FBXL13: variants seen among roughly 807,000 people sequenced by gnomAD.
The protein encoded by FBXL13 is F-box and leucine rich repeat protein 13.
In FBXL13, 67 loss-of-function variants were observed where a neutral mutation model predicts 83.6. That is an observed-to-expected ratio of 0.80 (90% CI 0.66 to 0.98). FBXL13 has a LOEUF of 0.98. FBXL13 is among the 50% of genes least tolerant of loss of function. The probability of loss-of-function intolerance (pLI) is 0.00; values close to 1 mark genes in which losing one functional copy is unlikely to be tolerated. For synonymous variants in FBXL13, 272 were observed against 299.5 expected, an observed-to-expected ratio of 0.91 and a Z score of 0.95; for missense variants, 822 against 866.5, an observed-to-expected ratio of 0.95 and a Z score of 0.64.
chr7:103,013,411 CA>C (rs1202850515), intron 6 of FBXL13, among the ~76,000 whole-genome samples: 1 of 152,116 alleles, frequency 6.6e-6, no homozygotes, highest in African/African-American at 2.4e-5. Flanking sequence ...AGCAAACTCC[CA>C]AAAACCAAAA....
At chr7:102,819,538 G>T (rs1798511490) in intron 19 of FBXL13, among the ~76,000 whole-genome samples, 1 of 152,188 alleles carries the variant, frequency 6.6e-6, no homozygotes, top group Non-Finnish European at 1.5e-5. Flanking sequence ...ATTCCATTGA[G>T]TATGAGTGAA....
chr7:102,921,288 T>TA (rs1402106023), intron 10 of FBXL13, among the ~76,000 whole-genome samples: 53 of 152,338 alleles, frequency 3.5e-4, no homozygotes, highest in African/African-American at 1.2e-3. Context: ...AACATCAAAA[T>TA]AAAGAGAAGC....
chr7:102,991,408 T>G (rs1458354033), intron 6 of FBXL13, among the ~76,000 whole-genome samples: 1 of 152,198 alleles, frequency 6.6e-6, no homozygotes, highest in African/African-American at 2.4e-5. Flanking sequence ...AAGCAGTTTT[T>G]GAGTGTCACA....
intron 10 of FBXL13, among the ~76,000 whole-genome samples, chr7:102,916,985 T>C (rs139878514): frequency 1.3e-5 from 2 of 151,974 alleles, no homozygotes; most frequent in Non-Finnish European, 2.9e-5. Context: ...ACTACTAAGA[T>C]GAATGGAAAA....
intron 6 of FBXL13, among the ~76,000 whole-genome samples, chr7:103,004,286 A>T (rs763452786): frequency 1.3e-5 from 2 of 152,194 alleles, no homozygotes; most frequent in Non-Finnish European, 2.9e-5. Flanking sequence ...CTGTAAGTCC[A>T]TCCAGGTTTG....
rs555438247 is a variant in FBXL13, at chr7:102,929,020, T to G, written c.778-2646A>C. Among the ~76,000 whole-genome samples, 3 of 152,344 alleles carry G rather than the reference T, an allele frequency of 2.0e-5. No homozygotes were observed. In the East Asian group the frequency reaches 5.8e-4, roughly 29 times the overall value. ...TTATTTATGTTAAAGTACAAGCCAC[T>G]GAGAAGATGCTTAGTTTACAGTCTA... On this transcript the variant is annotated intron_variant, in intron 9 of 19. Coordinates refer to ENST00000313221, the Ensembl canonical transcript of FBXL13.
At position 102,971,550 on chromosome 7, in the gene FBXL13, T is replaced by C. The variant is rs1450891224; in HGVS notation, c.496-3433A>G. On this transcript the variant is annotated intron_variant, in intron 6 of 19. Transcript: ENST00000313221. The stretch of plus-strand genomic sequence containing the variant: ...CGGAGGTGGCGGTGAGCCAAGATTG[T>C]GCCATTGCACTCCAGCCTAGGCAAT... Among the ~76,000 whole-genome samples the C allele has an allele frequency of 3.5e-5, 5 of 142,134 alleles. No individual in the cohort carries two copies. The East Asian group carries it at 8.2e-4, about 23-fold the overall frequency. The allele number at this position is 142,134 out of a possible 152,430, so 93.2% of individuals were successfully genotyped here. A position where few individuals can be genotyped will look rare whatever the true frequency, so the allele number is the denominator to read the frequency against.
At chr7:102,871,487 G>C (rs1359058581) in intron 16 of FBXL13, among the ~76,000 whole-genome samples, 1 of 151,974 alleles carries the variant, frequency 6.6e-6, no homozygotes. Flanking sequence ...CCGGGCTCAA[G>C]TGATCCTCCC....
chr7:102,930,183 G>A (rs775104844), intron 9 of FBXL13, among the ~76,000 whole-genome samples: 2 of 152,142 alleles, frequency 1.3e-5, no homozygotes, highest in Non-Finnish European at 2.9e-5. Context: ...CTGTAAAAAT[G>A]AGGCTGAGAG....
intron 16 of FBXL13, among the ~76,000 whole-genome samples, chr7:102,868,939 A>T (rs1808141838): frequency 6.6e-6 from 1 of 152,166 alleles, no homozygotes; most frequent in Non-Finnish European, 1.5e-5. Context: ...AAGTGCTGGG[A>T]TTGCAGGCAT....
chr7:102,919,752 C>T (rs556395530), intron 10 of FBXL13, among the ~76,000 whole-genome samples: 1 of 152,260 alleles, frequency 6.6e-6, no homozygotes, highest in South Asian at 2.1e-4. Flanking sequence ...TGTTTATCCT[C>T]CAAGATAATA....
intron 10 of FBXL13, among the ~76,000 whole-genome samples, chr7:102,920,501 C>T (rs1314871359): frequency 6.6e-6 from 1 of 151,970 alleles, no homozygotes; most frequent in African/African-American, 2.4e-5. Flanking sequence ...AGGTGCATGC[C>T]ACCACACCCA....
chr7:103,006,858 GA>G (rs1159019445), intron 6 of FBXL13, among the ~76,000 whole-genome samples: 1 of 145,658 alleles, frequency 6.9e-6, no homozygotes, highest in East Asian at 2.0e-4. Context: ...AGGATACAAA[GA>G]AAAAAATGAA....
intron 6 of FBXL13, among the ~76,000 whole-genome samples, chr7:103,008,849 C>T (rs190375792): frequency 5.9e-5 from 9 of 152,206 alleles, no homozygotes; most frequent in African/African-American, 1.2e-4. Context: ...TGAGCCACCG[C>T]GCCCAGCTTA....
chr7:102,960,829 G>A (rs200801136), intron 8 of FBXL13, among the ~76,000 whole-genome samples: 3 of 151,344 alleles, frequency 2.0e-5, no homozygotes, highest in South Asian at 2.1e-4. Context: ...TTGATGGGAC[G>A]TATTTCAAAA....
chr7:102,815,240 T>C (rs188776426), intron 19 of FBXL13, among the ~76,000 whole-genome samples: 1 of 152,350 alleles, frequency 6.6e-6, no homozygotes, highest in East Asian at 1.9e-4. Context: ...AGGAAGTTGA[T>C]CATAGAATTA....
chr7:103,074,605 C>A (rs761963298), upstream of FBXL13: 35 of 1,255,504 alleles, frequency 2.8e-5, no homozygotes, highest in Admixed American at 3.0e-4. Flanking sequence ...AATCCCGAAA[C>A]CTAGTCCCTC....
Position 102,931,841 on chromosome 7 carries a change from A to G in FBXL13, c.777+40T>C, listed in dbSNP as rs761976072. On this transcript the variant is annotated intron_variant, in intron 9 of 19. Transcript: ENST00000313221. ...ATTGGCACCCCAATGTAGCAAGTCAATCTATATAAACAGCAGTAAAAATGG... is the reference window on the plus strand; with the variant it reads ...ATTGGCACCCCAATGTAGCAAGTCAGTCTATATAAACAGCAGTAAAAATGG... 28 of 1,589,294 alleles carry G rather than the reference A, an allele frequency of 1.8e-5. No homozygotes were observed. The African/African-American group carries it at 2.2e-4, about 12-fold the overall frequency.
At chr7:102,912,007 A>G (rs1439887208) in intron 11 of FBXL13, among the ~76,000 whole-genome samples, 1 of 152,216 alleles carries the variant, frequency 6.6e-6, no homozygotes, top group Admixed American at 6.5e-5. Context: ...TATCCATTCA[A>G]GAACCCTGGG....
Sources: allele counts gnomAD v4.1 joint callset (sites outside exome capture counted in the v4.1 genomes callset), GRCh38; gene constraint gnomAD v4.1.1; transcripts MANE v1.5; gene names NCBI Gene and HGNC (gene_info 2026-07-23, HGNC 2026-07-21).